GAPVD1: variants seen among roughly 807,000 people sequenced by gnomAD.
GAPVD1 encodes GTPase-activating protein and VPS9 domain-containing protein 1.
In GAPVD1, 35 loss-of-function variants were observed where a neutral mutation model predicts 155.5. The observed-to-expected ratio is 0.23, with a 90% CI of 0.17 to 0.30. The LOEUF (loss-of-function observed/expected upper bound fraction) is 0.30. GAPVD1 is among the 10% of genes least tolerant of loss of function. The probability of loss-of-function intolerance (pLI) is 1.00; values close to 1 mark genes in which losing one functional copy is unlikely to be tolerated. For synonymous variants in GAPVD1, 636 were observed against 619.7 expected, an observed-to-expected ratio of 1.03 and a Z score of -0.39; for missense variants, 1,429 against 1,775.7, an observed-to-expected ratio of 0.80 and a Z score of 3.51.
chr9:125,314,579 G>A (rs894656853), intron 9 of GAPVD1, among the ~76,000 whole-genome samples: 5 of 151,818 alleles, frequency 3.3e-5, no homozygotes, highest in Non-Finnish European at 5.9e-5. Flanking sequence ...GCTTGAACCC[G>A]GGACGTGGAG....
At chr9:125,270,051 A>AT (rs1456838573) in intron 2 of GAPVD1, among the ~76,000 whole-genome samples, 6 of 151,686 alleles carry the variant, frequency 4.0e-5, no homozygotes, top group East Asian at 3.9e-4. Context: ...AGGACCAATA[A>AT]TTTTTTTTAC....
intron 2 of GAPVD1, among the ~76,000 whole-genome samples, chr9:125,283,028 T>TTTTATTTTTATTTA: frequency 7.0e-6 from 1 of 143,380 alleles, no homozygotes; most frequent in East Asian, 2.1e-4. Flanking sequence ...TTATTTTTAT[T>TTTTATTTTTATTTA]TTTATTTATT....
At position 125,318,359 on chromosome 9, in the gene GAPVD1, A is replaced by G. The variant is rs545949594; in HGVS notation, c.1603-3074A>G. On this transcript the variant is annotated intron_variant, in intron 9 of 27. Coordinates refer to ENST00000297933, the MANE Select transcript of GAPVD1 (RefSeq NM_001282680.3). ...TTTGCAGATGCTCTGATTTAGAAGC[A>G]TGAAATTAGATTTTCGTATTTTATA... 9.2e-5 allele frequency among the ~76,000 whole-genome samples: 14 copies of G among 152,316 alleles called. No individual in the cohort carries two copies. In the South Asian group the frequency reaches 2.9e-3, roughly 32 times the overall value.
chr9:125,296,838 T>G (rs1839965951), intron 3 of GAPVD1, among the ~76,000 whole-genome samples: 1 of 151,496 alleles, frequency 6.6e-6, no homozygotes, highest in Non-Finnish European at 1.5e-5. Flanking sequence ...TTTTGTATTT[T>G]TAGTAGAGAC....
intron 15 of GAPVD1, among the ~76,000 whole-genome samples, chr9:125,336,345 T>A (rs970582831): frequency 1.3e-5 from 2 of 151,360 alleles, no homozygotes; most frequent in Non-Finnish European, 2.9e-5. Context: ...AACATTTAGA[T>A]TAATAATTTT....
At chr9:125,299,160 A>G (rs1411921738) in intron 4 of GAPVD1, 54 bp downstream of exon 4, 1 of 875,294 alleles carries the variant, frequency 1.1e-6, no homozygotes, top group Non-Finnish European at 1.8e-6. Context: ...GATTCTGTAA[A>G]TAAATTAGTA....
chr9:125,359,376 T>G, intron 25 of GAPVD1, 44 bp from the exon 26 acceptor site: 1 of 1,062,690 alleles, frequency 9.4e-7, no homozygotes, highest in East Asian at 2.4e-5. Context: ...TGTACCATAT[T>G]TTCTGAAATG....
intron 15 of GAPVD1, among the ~76,000 whole-genome samples, chr9:125,334,280 A>AG (rs1488911788): frequency 6.6e-6 from 1 of 152,064 alleles, no homozygotes; most frequent in East Asian, 1.9e-4. Flanking sequence ...TAAAAAAAAA[A>AG]AAAAAAAAAA....
At chr9:125,359,754 T>C (rs1009865690) in intron 26 of GAPVD1, 1 of 401,578 alleles carries the variant, frequency 2.5e-6, no homozygotes, top group Admixed American at 4.1e-5. Context: ...TCAGGGGCAG[T>C]ACCTCTCCAT....
At chr9:125,262,918 T>C (rs1458324177) in intron 1 of GAPVD1, among the ~76,000 whole-genome samples, 1 of 152,194 alleles carries the variant, frequency 6.6e-6, no homozygotes, top group East Asian at 1.9e-4. Flanking sequence ...TTGCATCATG[T>C]TTACAGTTGC....
intron 6 of GAPVD1, among the ~76,000 whole-genome samples, chr9:125,305,852 T>C (rs1198907347): frequency 6.6e-6 from 1 of 151,892 alleles, no homozygotes; most frequent in South Asian, 2.1e-4. Flanking sequence ...CGAGGTCTTG[T>C]TATGTTGCCC....
At chr9:125,305,207 C>T (rs1164997314) in intron 6 of GAPVD1, 58 bp downstream of exon 6, 1 of 1,117,184 alleles carries the variant, frequency 9.0e-7, no homozygotes, top group Non-Finnish European at 1.4e-6. Flanking sequence ...TAACTGTTCT[C>T]TTTATTAAAT....
At chr9:125,272,493 CTA>C (rs1321795720) in intron 2 of GAPVD1, among the ~76,000 whole-genome samples, 1 of 152,136 alleles carries the variant, frequency 6.6e-6, no homozygotes, top group Non-Finnish European at 1.5e-5. Flanking sequence ...TAAGGCCTCT[CTA>C]TGAATAAGTT....
At chr9:125,305,301 C>A in intron 6 of GAPVD1, 152 bp downstream of exon 6, 3 of 574,270 alleles carry the variant, frequency 5.2e-6, no homozygotes, top group Non-Finnish European at 9.3e-6. Context: ...TGATTAATTC[C>A]CACAGATGTA....
Position 125,360,611 on chromosome 9 carries a change from G to T in GAPVD1, c.4128G>T (p.Val1376=). 1 of 1,613,824 alleles carries T rather than the reference G, an allele frequency of 6.2e-7. No homozygotes were observed. The highest frequency in any genetic ancestry group is 8.5e-7 in the Non-Finnish European group (1 of 1,179,718). The part of the protein sequence containing the change: ...ISAYKTPRDK[V]QCILRMCSTI... ...CTTATAAAACCCCCCGGGACAAAGT[G>T]CAGTGCATCCTGAGAATGTGCTCTA... is the stretch of plus-strand genomic sequence containing the variant. The change falls in exon 27 of 28, where the codon GTG becomes GTT. Residue 1376 remains valine (V), a synonymous_variant. Coordinates refer to ENST00000297933, the MANE Select transcript of GAPVD1 (RefSeq NM_001282680.3).
intron 17 of GAPVD1, among the ~76,000 whole-genome samples, 160 bp from the exon 18 acceptor site, chr9:125,341,017 C>T (rs761584264): frequency 3.3e-5 from 5 of 152,160 alleles, no homozygotes; most frequent in African/African-American, 7.2e-5. Flanking sequence ...CCAGGGAAGT[C>T]GAGGCTGCAG....
At chr9:125,300,588 A>T (rs1182212075) in intron 4 of GAPVD1, among the ~76,000 whole-genome samples, 2 of 152,148 alleles carry the variant, frequency 1.3e-5, no homozygotes, top group African/African-American at 4.8e-5. Flanking sequence ...AAGAGACAGG[A>T]CTGATCTTTG....
chr9:125,341,564 G>T, intron 18 of GAPVD1: 1 of 208,010 alleles, frequency 4.8e-6, no homozygotes, highest in Non-Finnish European at 9.6e-6. Context: ...CATATATATT[G>T]CTATTAATTA....
At position 125,347,040 on chromosome 9, in the gene GAPVD1, G is replaced by T. The variant is rs766633666; in HGVS notation, c.3169+99G>T. ...CCTTTAAAAGAAAGAATAGCTAAGGGAGTCAGTTTACTACCTCAAAATTAC... is the reference window on the plus strand; with the variant it reads ...CCTTTAAAAGAAAGAATAGCTAAGGTAGTCAGTTTACTACCTCAAAATTAC... On this transcript the variant is annotated intron_variant, in intron 20 of 27. Coordinates refer to ENST00000297933, the MANE Select transcript of GAPVD1 (RefSeq NM_001282680.3). 16 of 1,202,506 alleles carry T rather than the reference G, an allele frequency of 1.3e-5. 1 individual carries two copies. The South Asian group carries it at 2.1e-4, about 16-fold the overall frequency. 74.5% of individuals were successfully genotyped at this position (1,202,506 alleles called of 1,614,324 possible). A position where few individuals can be genotyped will look rare whatever the true frequency, so the allele number is the denominator to read the frequency against.
Sources: allele counts gnomAD v4.1 joint callset (sites outside exome capture counted in the v4.1 genomes callset), GRCh38; gene constraint gnomAD v4.1.1; transcripts MANE v1.5; gene names NCBI Gene and HGNC (gene_info 2026-07-23, HGNC 2026-07-21).